Variants in UQCRC1 observed in about 807,000 individuals in gnomAD.
The protein encoded by UQCRC1 is ubiquinol-cytochrome c reductase core protein 1.
UQCRC1 carries 34 observed loss-of-function variants against 58.0 expected under a neutral mutation model. The ratio of observed to expected loss-of-function variants is 0.59; its 90% CI spans 0.45 to 0.78. The LOEUF is 0.78. Ranked by LOEUF, UQCRC1 falls within the 30% of genes least tolerant of loss-of-function variation. UQCRC1 has a pLI of 0.00. For missense variants in UQCRC1, 610 were observed against 646.0 expected, an observed-to-expected ratio of 0.94 and a Z score of 0.60; for synonymous variants, 276 against 248.8, an observed-to-expected ratio of 1.11 and a Z score of -1.03.
Position 48,600,064 on chromosome 3 carries a change from G to T in UQCRC1, c.1301C>A (p.Ala434Glu). ...ACCTCTCCCAGGGGTCCATGTTACC[G>T]CAATCCGGCTTTCCCATTCAGCCAG... ...IPLAEWESRIAEVDASVVREI... is the reference protein window; with the variant it reads ...IPLAEWESRIEEVDASVVREI... Residue 434 changes from alanine to glutamate, a missense_variant and splice_region_variant, in exon 11 of 13, where the codon GCG becomes GAG. Physicochemically the swap from Ala to Glu is moderately radical, Grantham distance 107. Coordinates refer to ENST00000203407, the MANE Select transcript of UQCRC1 (RefSeq NM_003365.3). The T allele has an allele frequency of 3.1e-6, 5 of 1,614,088 alleles. No individual in the cohort carries two copies. The highest frequency in any genetic ancestry group is 4.2e-6 in the Non-Finnish European group (5 of 1,180,004).
intron 6 of UQCRC1, among the ~76,000 whole-genome samples, chr3:48,601,979 C>T (rs941292373): frequency 3.3e-5 from 5 of 152,010 alleles, no homozygotes; most frequent in Non-Finnish European, 5.9e-5. Flanking sequence ...CAAACGTATA[C>T]CCTAGGACTC....
chr3:48,609,550 A>G lies in UQCRC1; in HGVS notation c.69+2T>C. The G allele has an allele frequency of 6.4e-7, 1 of 1,571,954 alleles. No homozygotes were observed. The highest frequency in any genetic ancestry group is 8.6e-7 in the Non-Finnish European group (1 of 1,165,838). ...AGCCCCGCGCTCTCGCCACCACCTC[A>G]CCGAGCGGCGGGCGCGCAATAGCAC... On this transcript the variant is annotated splice_donor_variant, in intron 1 of 12. Coordinates refer to ENST00000203407, the MANE Select transcript of UQCRC1 (RefSeq NM_003365.3). LOFTEE classifies it high-confidence loss of function.
At chr3:48,601,194 G>A (rs2046362108) in intron 7 of UQCRC1, 76 bp from the exon 8 acceptor site, 18 of 1,552,388 alleles carry the variant, frequency 1.2e-5, no homozygotes, top group Non-Finnish European at 1.6e-5. Flanking sequence ...TGTGGGTAGA[G>A]GGTGTATGTG....
chr3:48,604,265 G>A lies in UQCRC1; in HGVS notation c.594C>T (p.Ala198=). Reference sequence around the variant, plus strand: ...TCTCACTGGGCCCCTCCACAGCCTGGGCTAGAGGTGTGCCCTGGAATGCTG... The same window carrying A: ...TCTCACTGGGCCCCTCCACAGCCTGAGCTAGAGGTGTGCCCTGGAATGCTG... ...HATAFQGTPL[A]QAVEGPSENV... is the part of the protein sequence containing the mutation. The change falls in exon 5 of 13, where the codon GCC becomes GCT. Residue 198 remains alanine (A), a synonymous_variant. Coordinates refer to ENST00000203407, the MANE Select transcript of UQCRC1 (RefSeq NM_003365.3). 6.2e-7 allele frequency: 1 copy of A among 1,613,100 alleles called. No homozygotes were observed. The highest frequency in any genetic ancestry group is 8.5e-7 in the Non-Finnish European group (1 of 1,180,036).
At position 48,603,588 on chromosome 3, in the gene UQCRC1, G is replaced by C. The variant is rs1185146623; in HGVS notation, c.682C>G (p.Arg228Gly). 1 of 1,613,874 alleles carries C rather than the reference G, an allele frequency of 6.2e-7. No homozygotes were observed. Among genetic ancestry groups the C allele is most frequent in the Admixed American group, 1.7e-5 (1 of 60,008 alleles). ...CCTCCAGCTGCTGCCAGCACCATTC[G>C]AGGGGCCTTGTAATGTGTGCTGAGG... is the stretch of plus-strand genomic sequence containing the variant. ...EYLSTHYKAP[R>G]MVLAAAGGVE... is the part of the protein sequence containing the mutation. The change falls in exon 6 of 13, where the codon CGA becomes GGA. Residue 228 changes from arginine to glycine, a missense_variant. Arg to Gly is a moderately radical substitution (Grantham distance 125). Coordinates refer to ENST00000203407, the MANE Select transcript of UQCRC1 (RefSeq NM_003365.3).
intron 5 of UQCRC1, chr3:48,603,987 A>G: frequency 1.7e-6 from 1 of 593,236 alleles, no homozygotes; most frequent in Non-Finnish European, 3.0e-6. Flanking sequence ...GGACACCCAG[A>G]CACTTCGCCC....
intron 2 of UQCRC1, among the ~76,000 whole-genome samples, 187 bp downstream of exon 2, chr3:48,608,975 G>C (rs377456679): frequency 6.6e-6 from 1 of 152,350 alleles, no homozygotes; most frequent in African/African-American, 2.4e-5. Context: ...TTGGCTTATA[G>C]TGAAGATTGT....
chr3:48,600,489 A>G lies in UQCRC1; in HGVS notation c.1206T>C (p.His402=). Residue 402 remains histidine (H), a synonymous_variant, in exon 10 of 13, where the codon CAT becomes CAC. Transcript: ENST00000203407. ...KNILRNALVS[H]LDGTTPVCED... is the part of the protein sequence containing the mutation. ...CTGAGCTGTAGGACTCACCATCTAGATGAGATACCAGGGCATTTCTGAGGA... is the reference window on the plus strand; with the variant it reads ...CTGAGCTGTAGGACTCACCATCTAGGTGAGATACCAGGGCATTTCTGAGGA... 1.9e-6 allele frequency: 3 copies of G among 1,614,100 alleles called. No individual in the cohort carries two copies. Among genetic ancestry groups the G allele is most frequent in the Non-Finnish European group, 2.5e-6 (3 of 1,180,012 alleles).
intron 3 of UQCRC1, 101 bp from the exon 4 acceptor site, chr3:48,604,881 A>C: frequency 1.3e-6 from 2 of 1,515,026 alleles, no homozygotes; most frequent in Non-Finnish European, 1.8e-6. Context: ...GTCCACAGGT[A>C]CCTCCCTCAG....
intron 6 of UQCRC1, among the ~76,000 whole-genome samples, chr3:48,601,933 T>A (rs2046369804): frequency 6.6e-6 from 1 of 152,056 alleles, no homozygotes; most frequent in Non-Finnish European, 1.5e-5. Context: ...AGCTCTTGGG[T>A]CCCCTGAGAG....
At position 48,603,559 on chromosome 3, in the gene UQCRC1, C is replaced by T; in HGVS notation, c.706+5G>A. The T allele has an allele frequency of 1.2e-6, 2 of 1,613,488 alleles. No homozygotes were observed. Among genetic ancestry groups the T allele is most frequent in the South Asian group, 1.1e-5 (1 of 90,980 alleles). On this transcript the variant is annotated splice_donor_5th_base_variant and intron_variant, in intron 6 of 12. Coordinates refer to ENST00000203407, the MANE Select transcript of UQCRC1 (RefSeq NM_003365.3). ...ACCCAGGACTTCAGTGATTCCATCA[C>T]TCACCTCCAGCTGCTGCCAGCACCA...
chr3:48,603,577 C>A lies in UQCRC1; in HGVS notation c.693G>T (p.Leu231=), dbSNP rs1433434041. The change falls in exon 6 of 13, where the codon CTG becomes CTT. Residue 231 remains leucine, a synonymous_variant. Coordinates refer to ENST00000203407, the MANE Select transcript of UQCRC1 (RefSeq NM_003365.3). ...TCCATCACTCACCTCCAGCTGCTGC[C>A]AGCACCATTCGAGGGGCCTTGTAAT... ...STHYKAPRMV[L]AAAGGVEHQQ... is the part of the protein sequence containing the mutation. The A allele has an allele frequency of 1.1e-5, 18 of 1,613,884 alleles. No individual in the cohort carries two copies. The highest frequency in any genetic ancestry group is 1.5e-5 in the Non-Finnish European group (18 of 1,179,998).
At chr3:48,599,960 G>T (rs1295055527) in intron 11 of UQCRC1, 103 bp downstream of exon 11, 2 of 1,409,552 alleles carry the variant, frequency 1.4e-6, no homozygotes, top group Non-Finnish European at 2.0e-6. Flanking sequence ...GGACACCAGG[G>T]ATGCCTATAG....
intron 11 of UQCRC1, 129 bp from the exon 12 acceptor site, chr3:48,599,839 G>A: frequency 9.0e-7 from 1 of 1,116,536 alleles, no homozygotes; most frequent in South Asian, 1.3e-5. Context: ...AAAGAGGAAA[G>A]GCAGAAGGGA....
intron 7 of UQCRC1, 25 bp from the exon 8 acceptor site, chr3:48,601,143 A>G: frequency 6.3e-7 from 1 of 1,583,232 alleles, no homozygotes. Context: ...GACAAGGCTG[A>G]GGAACAGCCA....
At chr3:48,603,350 G>C (rs140768933) in intron 6 of UQCRC1, among the ~76,000 whole-genome samples, 222 of 152,306 alleles carry the variant, frequency 1.5e-3, no homozygotes, top group African/African-American at 5.2e-3. Context: ...GTACCAGAGG[G>C]ACAGCATCCT....
chr3:48,605,544 C>T (rs1378243702), intron 3 of UQCRC1, among the ~76,000 whole-genome samples: 1 of 152,184 alleles, frequency 6.6e-6, no homozygotes, highest in Non-Finnish European at 1.5e-5. Context: ...AAGTGGGGCT[C>T]CTATGGTTCC....
chr3:48,607,037 TTGTG>T (rs1184020718), intron 2 of UQCRC1, among the ~76,000 whole-genome samples: 2 of 151,568 alleles, frequency 1.3e-5, no homozygotes, highest in African/African-American at 2.4e-5. Context: ...TTTTGTTTTT[TTGTG>T]TGTGTGTGTT....
intron 5 of UQCRC1, 36 bp from the exon 6 acceptor site, chr3:48,603,679 C>T: frequency 5.7e-6 from 9 of 1,591,114 alleles, no homozygotes; most frequent in South Asian, 4.5e-5. Flanking sequence ...AACACCTCTA[C>T]CACACTGGAG....
Sources: gnomAD v4.1 joint callset for allele counts (sites outside exome capture counted in the v4.1 genomes callset) on GRCh38, gnomAD v4.1.1 for gene constraint, MANE v1.5 for transcripts, NCBI Gene and HGNC (gene_info 2026-07-23, HGNC 2026-07-21) for gene names.